The following USP37 variants were observed in gnomAD, a reference collection of about 807,000 sequenced individuals.
The protein encoded by USP37 is ubiquitin carboxyl-terminal hydrolase 37.
In USP37, 27 loss-of-function variants were observed where a neutral mutation model predicts 124.0. That is an observed-to-expected ratio of 0.22 (90% CI 0.16 to 0.30). The LOEUF (loss-of-function observed/expected upper bound fraction) is 0.30. Among genes scored for constraint, USP37 ranks in the 10% least tolerant of loss-of-function variants. USP37 has a pLI of 1.00. For synonymous variants in USP37, 365 were observed against 388.0 expected, an observed-to-expected ratio of 0.94 and a Z score of 0.70; for missense variants, 889 against 1,140.4, an observed-to-expected ratio of 0.78 and a Z score of 3.17.
At chr2:218,537,572 G>A (rs140789039) in intron 8 of USP37, among the ~76,000 whole-genome samples, 3,045 of 152,292 alleles carry the variant, frequency 0.02, 51 homozygotes, top group Non-Finnish European at 0.028. Flanking sequence ...AAATTCATAA[G>A]CAAAAATGAA....
At chr2:218,494,966 G>GT (rs889511402) in intron 14 of USP37, among the ~76,000 whole-genome samples, 11 of 148,928 alleles carry the variant, frequency 7.4e-5, no homozygotes, top group South Asian at 2.1e-4. Flanking sequence ...AATAAGTTGT[G>GT]TTTTTTTTTC....
chr2:218,509,218 A>C (rs1689846632), intron 11 of USP37, among the ~76,000 whole-genome samples: 1 of 152,212 alleles, frequency 6.6e-6, no homozygotes, highest in African/African-American at 2.4e-5. Flanking sequence ...ACAGAGAAGC[A>C]ATATAGCATA....
chr2:218,535,716 G>T (rs533450333), intron 8 of USP37, among the ~76,000 whole-genome samples: 3 of 152,018 alleles, frequency 2.0e-5, no homozygotes, highest in Non-Finnish European at 4.4e-5. Context: ...TTAGCTGGGC[G>T]TGGTGGCGGG....
chr2:218,486,414 T>C (rs1691559589), intron 15 of USP37: 1 of 152,192 alleles, frequency 6.6e-6, no homozygotes. Context: ...AATAAACAGA[T>C]TTTTTTGTCT....
rs552329486 is a variant in USP37, at chr2:218,538,885, A to C, written c.681-4179T>G. On this transcript the variant is annotated intron_variant, in intron 8 of 25. Transcript: ENST00000258399. Reference sequence around the variant, plus strand: ...TGATGGAATTCACAGATAGTACTGAAACCACAGATAGTATAGAACTCAATT... The same window carrying C: ...TGATGGAATTCACAGATAGTACTGACACCACAGATAGTATAGAACTCAATT... 2.6e-5 allele frequency among the ~76,000 whole-genome samples: 4 copies of C among 152,342 alleles called. No individual in the cohort carries two copies. The South Asian group carries it at 8.3e-4, about 32-fold the overall frequency.
chr2:218,457,542 A>G (rs1689760766), intron 23 of USP37, among the ~76,000 whole-genome samples: 1 of 152,234 alleles, frequency 6.6e-6, no homozygotes. Context: ...ATATGAATGC[A>G]CATAGTAACT....
chr2:218,516,081 T>A (rs1027107332), intron 10 of USP37, among the ~76,000 whole-genome samples: 3 of 152,188 alleles, frequency 2.0e-5, no homozygotes, highest in Non-Finnish European at 4.4e-5. Flanking sequence ...GCTTTTACAC[T>A]GTTGGTGGGA....
intron 4 of USP37, among the ~76,000 whole-genome samples, chr2:218,554,439 G>T (rs1301724332): frequency 6.6e-6 from 1 of 152,138 alleles, no homozygotes; most frequent in East Asian, 1.9e-4. Flanking sequence ...ATTATCACCA[G>T]TTTAGAAAAC....
At chr2:218,467,865 G>T (rs988377143) in intron 20 of USP37, among the ~76,000 whole-genome samples, 1 of 151,422 alleles carries the variant, frequency 6.6e-6, no homozygotes, top group African/African-American at 2.4e-5. Flanking sequence ...TGAATTGTTA[G>T]AGCAATAACA....
intron 10 of USP37, among the ~76,000 whole-genome samples, chr2:218,512,896 A>G (rs1395232920): frequency 2.6e-5 from 4 of 152,140 alleles, no homozygotes; most frequent in Admixed American, 2.6e-4. Flanking sequence ...TATTTAGTAC[A>G]TACTCATATA....
chr2:218,489,968 T>C (rs1024903915), intron 14 of USP37, among the ~76,000 whole-genome samples: 1 of 152,250 alleles, frequency 6.6e-6, no homozygotes, highest in Non-Finnish European at 1.5e-5. Flanking sequence ...CTTTAATCTG[T>C]ATGAATATTC....
In USP37 at chr2:218,495,884, T is replaced by C. The variant is rs1250326499; in HGVS notation, c.1348A>G (p.Thr450Ala). 1 of 1,613,708 alleles carries C rather than the reference T, an allele frequency of 6.2e-7. No individual in the cohort carries two copies. Among genetic ancestry groups the C allele is most frequent in the Non-Finnish European group, 8.5e-7 (1 of 1,180,004 alleles). ...CCAGAAACAGGTTCAGTCTTCCAAG[T>C]TTTATTTAATTTTTCCATATCTTCT... ...LKEDMEKLNK[T>A]WKTEPVSGEE... is the part of the protein sequence containing the mutation. Residue 450 changes from threonine (T) to alanine (A), a missense_variant, in exon 14 of 26, where the codon ACT (threonine) becomes GCT (alanine). This residue lies in a region of USP37 where 504 missense variants were observed against 714.3 expected (regional missense o/e 0.71). Coordinates refer to ENST00000258399, the MANE Select transcript of USP37 (RefSeq NM_020935.3).
chr2:218,560,409 G>A (rs1052496880), intron 3 of USP37, among the ~76,000 whole-genome samples: 1 of 152,120 alleles, frequency 6.6e-6, no homozygotes, highest in Non-Finnish European at 1.5e-5. Context: ...CCACAAAATA[G>A]GAATAGCAAA....
At chr2:218,534,568 A>C in intron 9 of USP37, 41 bp downstream of exon 9, 2 of 1,247,226 alleles carry the variant, frequency 1.6e-6, no homozygotes, top group Non-Finnish European at 2.2e-6. Context: ...ATAAATATAT[A>C]ATAAATGAGC....
chr2:218,492,410 T>C (rs999712014), intron 14 of USP37, among the ~76,000 whole-genome samples: 1 of 151,568 alleles, frequency 6.6e-6, no homozygotes, highest in African/African-American at 2.4e-5. Context: ...GAGATGGGGG[T>C]AGGAGTGCTG....
intron 4 of USP37, among the ~76,000 whole-genome samples, chr2:218,554,288 G>C (rs1202265434): frequency 6.6e-6 from 1 of 152,116 alleles, no homozygotes; most frequent in South Asian, 2.1e-4. Context: ...ATAAAGTGTG[G>C]ACTTACTCTT....
chr2:218,513,493 T>C (rs1301312311), intron 10 of USP37, among the ~76,000 whole-genome samples: 2 of 152,190 alleles, frequency 1.3e-5, no homozygotes, highest in Non-Finnish European at 2.9e-5. Context: ...ATTAAGATAG[T>C]GAACATATCT....
intron 1 of USP37, among the ~76,000 whole-genome samples, chr2:218,566,758 T>G (rs1049608582): frequency 4.6e-5 from 7 of 152,156 alleles, no homozygotes; most frequent in African/African-American, 1.4e-4. Context: ...TTAAGGACTG[T>G]GGCTTAAACT....
chr2:218,524,338 G>A (rs902951125), intron 10 of USP37, among the ~76,000 whole-genome samples: 85 of 152,254 alleles, frequency 5.6e-4, no homozygotes, highest in African/African-American at 2.0e-3. Context: ...GGATTCAAGT[G>A]ATCCTCCCAC....
Sources: gnomAD v4.1 joint callset for allele counts (sites outside exome capture counted in the v4.1 genomes callset) on GRCh38, gnomAD v4.1.1 for gene constraint, gnomAD v4.1.1 regional missense constraint, MANE v1.5 for transcripts, NCBI Gene and HGNC (gene_info 2026-07-23, HGNC 2026-07-21) for gene names.